PACRG: variants seen among roughly 807,000 people sequenced by gnomAD.
The protein encoded by PACRG is parkin coregulated, also known as parkin coregulated gene protein.
Under a neutral mutation model 29.7 loss-of-function variants are expected in PACRG, and 29 were observed. That is an observed-to-expected ratio of 0.98 (90% CI 0.73 to 1.33). The LOEUF (loss-of-function observed/expected upper bound fraction) is 1.33. Ranked by LOEUF, PACRG falls within the 40% of genes most tolerant of loss-of-function variation. The pLI, the probability that PACRG is intolerant of heterozygous loss-of-function variation, is 0.00. For synonymous variants in PACRG, 116 were observed against 118.7 expected, an observed-to-expected ratio of 0.98 and a Z score of 0.15; for missense variants, 279 against 316.2, an observed-to-expected ratio of 0.88 and a Z score of 0.89.
chr6:162,737,549 A>G (rs1195117156), intron 1 of PACRG, among the ~76,000 whole-genome samples: 2 of 152,150 alleles, frequency 1.3e-5, no homozygotes, highest in Non-Finnish European at 2.9e-5. Context: ...ATAATTCTAC[A>G]TAATAGAGAT....
intron 2 of PACRG, among the ~76,000 whole-genome samples, chr6:162,912,924 A>G (rs992689785): frequency 2.8e-5 from 4 of 144,534 alleles, no homozygotes; most frequent in Non-Finnish European, 6.2e-5. Flanking sequence ...CAAACAAACA[A>G]AAAAAAAAAA....
chr6:162,903,564 C>A (rs1444736515), intron 2 of PACRG, among the ~76,000 whole-genome samples: 2 of 152,098 alleles, frequency 1.3e-5, no homozygotes, highest in Non-Finnish European at 2.9e-5. Flanking sequence ...ATAAAACCAT[C>A]AGATCTCATG....
At chr6:163,217,027 C>A (rs1375105900) in intron 4 of PACRG, among the ~76,000 whole-genome samples, 13 of 152,204 alleles carry the variant, frequency 8.5e-5, no homozygotes, top group Non-Finnish European at 1.3e-4. Context: ...ATTCCACCAG[C>A]ACGCCTTTGC....
At chr6:163,072,050 A>G (rs937364054) in intron 3 of PACRG, among the ~76,000 whole-genome samples, 3 of 152,034 alleles carry the variant, frequency 2.0e-5, no homozygotes, top group Non-Finnish European at 4.4e-5. Context: ...CCAAAAAAAA[A>G]ATAAAGGAGA....
chr6:163,116,793 GAGA>G (rs987874303), intron 4 of PACRG, among the ~76,000 whole-genome samples: 27 of 152,194 alleles, frequency 1.8e-4, no homozygotes, highest in Admixed American at 1.3e-3. Context: ...ATGGGCTGCA[GAGA>G]AGAAGATGAT....
intron 4 of PACRG, among the ~76,000 whole-genome samples, chr6:163,263,338 A>G (rs1783409452): frequency 6.6e-6 from 1 of 151,980 alleles, no homozygotes; most frequent in Non-Finnish European, 1.5e-5. Context: ...TGCTCACAAG[A>G]GCTTCCCTCA....
At chr6:163,154,270 T>C (rs1321115346) in intron 4 of PACRG, among the ~76,000 whole-genome samples, 1 of 152,182 alleles carries the variant, frequency 6.6e-6, no homozygotes, top group African/African-American at 2.4e-5. Context: ...AAAAGGTTCT[T>C]GTGGGCACTG....
chr6:163,309,004 A>T (rs537897270), intron 4 of PACRG, among the ~76,000 whole-genome samples: 7 of 151,526 alleles, frequency 4.6e-5, no homozygotes, highest in African/African-American at 1.7e-4. Flanking sequence ...GTCCAGAAAG[A>T]AACTATTTGA....
chr6:162,905,275 G>A (rs1408838109), intron 2 of PACRG, among the ~76,000 whole-genome samples: 6 of 152,174 alleles, frequency 3.9e-5, no homozygotes, highest in South Asian at 2.1e-4. Flanking sequence ...AGAGCTGCCT[G>A]TACTATCACC....
chr6:163,287,769 G>A (rs974751707), intron 4 of PACRG, among the ~76,000 whole-genome samples: 4 of 152,146 alleles, frequency 2.6e-5, no homozygotes, highest in Admixed American at 6.5e-5. Context: ...ACGAGGAACC[G>A]GGGTACATGT....
At chr6:162,750,272 A>G (rs757395897) in intron 1 of PACRG, among the ~76,000 whole-genome samples, 4 of 152,202 alleles carry the variant, frequency 2.6e-5, no homozygotes, top group Non-Finnish European at 5.9e-5. Flanking sequence ...CATATATGCA[A>G]TTTAGTCTGT....
At chr6:163,272,379 G>C (rs568302957) in intron 4 of PACRG, among the ~76,000 whole-genome samples, 2 of 152,126 alleles carry the variant, frequency 1.3e-5, no homozygotes, top group South Asian at 4.2e-4. Context: ...GAATTTGTTT[G>C]TTTATTCAGT....
rs1031155296 is a variant in PACRG, at chr6:162,852,005, G to GAGGAAGGAAGGAAAGGAAGGA, written c.291+37737_291+37738insAGGAAGGAAGGAAGGAAGGAA. Among the ~76,000 whole-genome samples, 46 of 116,112 alleles carry GAGGAAGGAAGGAAAGGAAGGA rather than the reference G, an allele frequency of 4.0e-4. No homozygotes were observed. The South Asian group carries it at 4.1e-3, about 10-fold the overall frequency. 76.2% of individuals were successfully genotyped at this position (116,112 alleles called of 152,430 possible). On this transcript the variant is annotated intron_variant, in intron 2 of 4. Transcript: ENST00000366888. ...AAGAAAAGGGAGGGAGGGAGGGAGG[G>GAGGAAGGAAGGAAAGGAAGGA]AGGAAGGAAGGAAGGAAGGAAGGAA... is the stretch of plus-strand genomic sequence containing the variant.
chr6:163,122,280 C>T (rs931422980), intron 4 of PACRG, among the ~76,000 whole-genome samples: 17 of 141,994 alleles, frequency 1.2e-4, no homozygotes, highest in African/African-American at 2.5e-4. Context: ...TCTGCTTTAA[C>T]GCATTTACAC....
At chr6:162,947,595 C>CATATATATATATAT (rs59243050) in intron 2 of PACRG, among the ~76,000 whole-genome samples, 2 of 27,996 alleles carry the variant, frequency 7.1e-5, no homozygotes, top group South Asian at 1.7e-3. Flanking sequence ...TATATATAAT[C>CATATATATATATAT]ATATATATAT....
In PACRG at chr6:162,932,749, C is replaced by G. The variant is rs550670511; in HGVS notation, c.291+118468C>G. Among the ~76,000 whole-genome samples the G allele has an allele frequency of 2.6e-5, 4 of 151,812 alleles. No individual in the cohort carries two copies. In the South Asian group the frequency reaches 8.3e-4, roughly 31 times the overall value. On this transcript the variant is annotated intron_variant, in intron 2 of 4. Transcript: ENST00000366888. ...AGTGTCCTTTTCATTTCTAATTTTA[C>G]TTATTTGGCTCTTCTCTCTTTTTTT...
Position 163,315,389 on chromosome 6 carries a change from C to T in PACRG, c.*402C>T, listed in dbSNP as rs1276021117. 1.3e-5 allele frequency: 2 copies of T among 157,784 alleles called. No homozygotes were observed. The highest frequency in any genetic ancestry group is 3.8e-4 in the East Asian group (2 of 5,316). The allele number at this position is 157,784 out of a possible 1,614,324, so 9.8% of individuals were successfully genotyped here. On this transcript the variant is annotated 3_prime_UTR_variant, in exon 5 of 5. Coordinates refer to ENST00000366888, the MANE Select transcript of PACRG (RefSeq NM_001080379.2). ...GTAAGGGAAGAGTTTATGCTGACTG[C>T]TTACTAGGTGTTTGTCATGGAAGAG...
chr6:163,204,281 C>A (rs1780814716), intron 4 of PACRG, among the ~76,000 whole-genome samples: 1 of 152,186 alleles, frequency 6.6e-6, no homozygotes, highest in African/African-American at 2.4e-5. Context: ...TTTTAATAGA[C>A]AACTGACAGA....
intron 4 of PACRG, chr6:163,245,267 T>G (rs1782649277): frequency 4.1e-6 from 1 of 242,330 alleles, no homozygotes; most frequent in African/African-American, 2.3e-5. Flanking sequence ...AACTTAATTC[T>G]GTTAAACTAC....
Sources: gnomAD v4.1 joint callset for allele counts (sites outside exome capture counted in the v4.1 genomes callset) on GRCh38, gnomAD v4.1.1 for gene constraint, MANE v1.5 for transcripts, NCBI Gene and HGNC (gene_info 2026-07-23, HGNC 2026-07-21) for gene names.